The following GPR55 variants were observed in gnomAD, a reference collection of about 807,000 sequenced individuals.
GPR55 encodes G protein-coupled receptor 55.
A neutral mutation model predicts 7.9 loss-of-function variants in GPR55; 6 were observed. That is an observed-to-expected ratio of 0.76 (90% CI 0.41 to 1.49). The LOEUF is 1.49. Ranked by LOEUF, GPR55 falls within the 40% of genes most tolerant of loss-of-function variation. The pLI is 0.01. For synonymous variants in GPR55, 183 were observed against 166.8 expected, an observed-to-expected ratio of 1.10 and a Z score of -0.75; for missense variants, 376 against 406.0, an observed-to-expected ratio of 0.93 and a Z score of 0.63.
intron 1 of GPR55, among the ~76,000 whole-genome samples, chr2:230,934,600 A>G (rs892634324): frequency 6.6e-6 from 1 of 152,250 alleles, no homozygotes; most frequent in East Asian, 1.9e-4. Flanking sequence ...GGCCCACTCC[A>G]TGCTGACTCC....
chr2:230,919,937 G>C (rs1037021795), intron 1 of GPR55, among the ~76,000 whole-genome samples: 3 of 150,582 alleles, frequency 2.0e-5, no homozygotes, highest in African/African-American at 7.3e-5. Context: ...TAGACATTCA[G>C]AATGATTTCA....
chr2:230,932,779 C>T lies in GPR55; in HGVS notation c.-134-21683G>A, dbSNP rs570535300. 5.3e-5 allele frequency among the ~76,000 whole-genome samples: 8 copies of T among 152,342 alleles called. No homozygotes were observed. In the South Asian group the frequency reaches 1.4e-3, roughly 28 times the overall value. The stretch of plus-strand genomic sequence containing the variant: ...CCTCGCTTCCTGTGACAAGGCACAC[C>T]CTGTTCTAGCCCAGGCTCGGCCTGG... On this transcript the variant is annotated intron_variant, in intron 1 of 1. Transcript: ENST00000392039.
intron 1 of GPR55, chr2:230,957,680 G>A: frequency 1.8e-6 from 1 of 546,402 alleles, no homozygotes; most frequent in Non-Finnish European, 3.7e-6. Flanking sequence ...TATTCCCTGT[G>A]CCCGGGATTC....
At chr2:230,934,711 A>G (rs910807740) in intron 1 of GPR55, among the ~76,000 whole-genome samples, 2 of 151,818 alleles carry the variant, frequency 1.3e-5, no homozygotes, top group African/African-American at 2.4e-5. Flanking sequence ...GAGGATGACC[A>G]TCTGTTCTGG....
Position 230,910,703 on chromosome 2 carries a change from T to A in GPR55, c.260A>T (p.Gln87Leu), listed in dbSNP as rs1690573315. The A allele has an allele frequency of 5.6e-6, 9 of 1,613,598 alleles. No individual in the cohort carries two copies. In the East Asian group the frequency reaches 2.0e-4, roughly 36 times the overall value. The change falls in exon 2 of 2, where the codon CAG becomes CTG. Residue 87 changes from glutamine (Q) to leucine (L), a missense_variant. Physicochemically the swap from Gln to Leu is moderately radical, Grantham distance 113. Coordinates refer to ENST00000650999, the MANE Select transcript of GPR55 (RefSeq NM_005683.4). The surrounding 1 kb of genome is among the most constrained non-coding windows in gnomAD (Gnocchi z 5.4). ...GGTGCACAGGGACGGGAAGGGGGAC[T>A]GTACCTGGGACAGGACCATCTTGAA... Reference protein sequence around the residue: ...LPFKMVLSQVQSPFPSLCTLV... With the variant: ...LPFKMVLSQVLSPFPSLCTLV...
chr2:230,959,553 C>T (rs567283690), intron 1 of GPR55, among the ~76,000 whole-genome samples: 5 of 152,254 alleles, frequency 3.3e-5, no homozygotes, highest in Admixed American at 2.6e-4. Flanking sequence ...GAAATTGAAG[C>T]GCAGAGAAGC....
At chr2:230,930,052 C>CG (rs1691009811), upstream of GPR55, 2 of 141,604 alleles carry the variant, frequency 1.4e-5, no homozygotes, top group African/African-American at 6.3e-5. Flanking sequence ...GCAGCCAGGA[C>CG]CCCCCCGCCT....
chr2:230,951,001 C>A (rs917767367), intron 1 of GPR55, among the ~76,000 whole-genome samples: 4 of 152,148 alleles, frequency 2.6e-5, no homozygotes, highest in African/African-American at 9.7e-5. Context: ...TATACCTTGC[C>A]CTGTGCATCT....
chr2:230,942,558 G>C (rs1409155770), intron 1 of GPR55, among the ~76,000 whole-genome samples: 1 of 152,156 alleles, frequency 6.6e-6, no homozygotes, highest in Middle Eastern at 3.2e-3. Flanking sequence ...CTGGTGGCTG[G>C]AGGCCAGAGA....
chr2:230,934,661 G>C (rs1360662882), intron 1 of GPR55, among the ~76,000 whole-genome samples: 1 of 152,202 alleles, frequency 6.6e-6, no homozygotes, highest in African/African-American at 2.4e-5. Flanking sequence ...TTAGCATCCG[G>C]ACGCCTCGGG....
Position 230,923,365 on chromosome 2 carries a change from GCAGCATTGGCA to G in GPR55, c.-135+1792_-135+1802del, listed in dbSNP as rs1690879956. Among the ~76,000 whole-genome samples the G allele has an allele frequency of 6.6e-6, 1 of 152,236 alleles. No homozygotes were observed. The highest frequency in any genetic ancestry group is 1.5e-5 in the Non-Finnish European group (1 of 68,040). The stretch of plus-strand genomic sequence containing the variant: ...GATGGCAGGGCCAGAGCCTAAAAAA[GCAGCATTGGCA>G]CAGCCGCAGGGATGGATTTGAGGAG... On this transcript the variant is annotated intron_variant, in intron 1 of 1. Transcript: ENST00000650999. This position sits in a 1 kb window ranked among gnomAD's most constrained non-coding sequence, Gnocchi z 4.1.
chr2:230,959,036 G>T (rs1691531334), intron 1 of GPR55, among the ~76,000 whole-genome samples: 2 of 152,202 alleles, frequency 1.3e-5, no homozygotes, highest in Admixed American at 6.5e-5. Context: ...GGTCACAGCA[G>T]TTCCAAAAAT....
At chr2:230,951,042 G>A (rs759460195) in intron 1 of GPR55, among the ~76,000 whole-genome samples, 1 of 152,130 alleles carries the variant, frequency 6.6e-6, no homozygotes. Context: ...ACATCCTTTA[G>A]AATCAACGGG....
intron 1 of GPR55, chr2:230,957,805 T>C: frequency 5.3e-6 from 3 of 569,918 alleles, no homozygotes; most frequent in South Asian, 4.1e-5. Flanking sequence ...CTTGGTGACT[T>C]TGGGATGCTG....
chr2:230,940,336 T>C (rs1447407731), intron 1 of GPR55, among the ~76,000 whole-genome samples: 1 of 152,096 alleles, frequency 6.6e-6, no homozygotes. Flanking sequence ...CTGCGTTCTC[T>C]TCATAATCAT....
intron 1 of GPR55, among the ~76,000 whole-genome samples, chr2:230,939,338 A>C (rs745861758): frequency 2.6e-5 from 4 of 152,164 alleles, no homozygotes; most frequent in Non-Finnish European, 5.9e-5. Context: ...GAGATGTCAC[A>C]GGCCATAGAA....
At chr2:230,916,042 A>G (rs1157567552) in intron 1 of GPR55, among the ~76,000 whole-genome samples, 1 of 151,944 alleles carries the variant, frequency 6.6e-6, no homozygotes, top group Non-Finnish European at 1.5e-5. Context: ...TATGATGAAT[A>G]TAGTTACACA....
intron 1 of GPR55, among the ~76,000 whole-genome samples, chr2:230,945,921 A>C (rs897708052): frequency 6.6e-6 from 1 of 152,246 alleles, no homozygotes; most frequent in Non-Finnish European, 1.5e-5. Flanking sequence ...TGGTAGTTGC[A>C]TTAAAAAGTG....
At chr2:230,918,825 T>C (rs1462213230) in intron 1 of GPR55, among the ~76,000 whole-genome samples, 1 of 152,170 alleles carries the variant, frequency 6.6e-6, no homozygotes, top group Non-Finnish European at 1.5e-5. Flanking sequence ...TAAATAGTTT[T>C]TTGAGTTATT....
Sources: allele counts gnomAD v4.1 joint callset (sites outside exome capture counted in the v4.1 genomes callset), GRCh38; gene constraint gnomAD v4.1.1; non-coding constraint Gnocchi (gnomAD v3.1); transcripts MANE v1.5; gene names NCBI Gene and HGNC (gene_info 2026-07-23, HGNC 2026-07-21).